The following NAALADL2 variants were observed in gnomAD, a reference collection of about 807,000 sequenced individuals.
NAALADL2 encodes inactive N-acetylated-alpha-linked acidic dipeptidase-like protein 2.
A neutral mutation model predicts 87.2 loss-of-function variants in NAALADL2; 76 were observed. The observed-to-expected ratio is 0.87, with a 90% confidence interval of 0.72 to 1.05. NAALADL2 has a LOEUF of 1.05. Among genes scored for constraint, NAALADL2 ranks in the 50% least tolerant of loss-of-function variants. The pLI is 0.00. For missense variants in NAALADL2, 1,089 were observed against 945.8 expected, an observed-to-expected ratio of 1.15 and a Z score of -1.99; for synonymous variants, 354 against 331.0, an observed-to-expected ratio of 1.07 and a Z score of -0.75.
chr3:175,789,553 A>G (rs1276634814), intron 13 of NAALADL2, among the ~76,000 whole-genome samples: 5 of 152,146 alleles, frequency 3.3e-5, no homozygotes, highest in Non-Finnish European at 7.4e-5. Flanking sequence ...TGTTGTTTTC[A>G]GGTTATTGGA....
intron 3 of NAALADL2, among the ~76,000 whole-genome samples, chr3:174,749,292 G>A (rs1232306878): frequency 6.6e-6 from 1 of 152,044 alleles, no homozygotes; most frequent in African/African-American, 2.4e-5. Context: ...TGAACTCTTA[G>A]AAAACATAGC....
At chr3:174,837,511 C>G (rs1723480525) in intron 3 of NAALADL2, among the ~76,000 whole-genome samples, 1 of 152,040 alleles carries the variant, frequency 6.6e-6, no homozygotes, top group East Asian at 1.9e-4. Context: ...AAATAATTAC[C>G]AGTTGGCCAC....
At chr3:174,750,089 G>A (rs1734672009) in intron 3 of NAALADL2, among the ~76,000 whole-genome samples, 1 of 152,102 alleles carries the variant, frequency 6.6e-6, no homozygotes, top group African/African-American at 2.4e-5. Context: ...TTTTGCCCAA[G>A]CTAAAGCAGT....
intron 1 of NAALADL2, among the ~76,000 whole-genome samples, chr3:175,025,638 G>A (rs1752133862): frequency 6.6e-6 from 1 of 152,102 alleles, no homozygotes; most frequent in African/African-American, 2.4e-5. Context: ...AAGTGAAAAT[G>A]TCATGAACAT....
At chr3:174,522,114 A>G (rs1240772603) in intron 1 of NAALADL2, among the ~76,000 whole-genome samples, 1 of 152,048 alleles carries the variant, frequency 6.6e-6, no homozygotes, top group Non-Finnish European at 1.5e-5. Context: ...AAAAAAATAA[A>G]GCCATGCACA....
chr3:175,251,249 T>C (rs1005305154), intron 3 of NAALADL2, among the ~76,000 whole-genome samples: 2 of 152,168 alleles, frequency 1.3e-5, no homozygotes, highest in African/African-American at 4.8e-5. Flanking sequence ...GAATAAGATA[T>C]TTTATTTCCT....
rs10663395 is a variant in NAALADL2 at position 174,723,755 on chromosome 3, C to CAAAAAAAAA, written c.-114-13866_-114-13858dup. On this transcript the variant is annotated intron_variant, in intron 2 of 3. Coordinates refer to the NAALADL2 transcript ENST00000434257. The stretch of plus-strand genomic sequence containing the variant: ...TGGGTGACAGAGCAAGACTCCGTCT[C>CAAAAAAAAA]AAAAAAAAAAAAAAAAAAAAAAAAA... Among the ~76,000 whole-genome samples, 12 of 27,562 alleles carry CAAAAAAAAA rather than the reference C, an allele frequency of 4.4e-4. 3 individuals carry two copies. Among genetic ancestry groups the CAAAAAAAAA allele is most frequent in the Non-Finnish European group, 5.4e-4 (10 of 18,362 alleles). 18.1% of individuals were successfully genotyped at this position (27,562 alleles called of 152,430 possible).
At chr3:175,569,203 C>G (rs1420424966) in intron 9 of NAALADL2, among the ~76,000 whole-genome samples, 1 of 152,180 alleles carries the variant, frequency 6.6e-6, no homozygotes, top group Non-Finnish European at 1.5e-5. Flanking sequence ...TCAATGTTTA[C>G]ATGTTCACAC....
chr3:174,742,325 G>T (rs1733843021), intron 3 of NAALADL2, among the ~76,000 whole-genome samples: 1 of 151,626 alleles, frequency 6.6e-6, no homozygotes, highest in Non-Finnish European at 1.5e-5. Context: ...GAGTCATATT[G>T]TAATGGTATA....
At chr3:174,655,346 A>G (rs1411306327) in intron 2 of NAALADL2, among the ~76,000 whole-genome samples, 1 of 151,310 alleles carries the variant, frequency 6.6e-6, no homozygotes, top group East Asian at 1.9e-4. Flanking sequence ...GAACTTTTTC[A>G]TGTGATACTA....
At chr3:174,457,888 A>C (rs980757507) in intron 1 of NAALADL2, among the ~76,000 whole-genome samples, 7 of 152,154 alleles carry the variant, frequency 4.6e-5, no homozygotes, top group African/African-American at 9.7e-5. Flanking sequence ...TAACAGAGGA[A>C]CAGAAAACCA....
intron 2 of NAALADL2, among the ~76,000 whole-genome samples, chr3:174,647,936 A>C (rs1723963980): frequency 6.6e-6 from 1 of 152,212 alleles, no homozygotes; most frequent in South Asian, 2.1e-4. Context: ...AAATAAAAAA[A>C]CTTTACTGTG....
At chr3:175,026,908 C>T (rs541806915) in intron 1 of NAALADL2, among the ~76,000 whole-genome samples, 28 of 152,068 alleles carry the variant, frequency 1.8e-4, no homozygotes, top group Admixed American at 7.9e-4. Flanking sequence ...ACCGAACAAA[C>T]ATTTCTGCAG....
chr3:175,378,530 T>C (rs572088151), intron 5 of NAALADL2, among the ~76,000 whole-genome samples: 1 of 152,248 alleles, frequency 6.6e-6, no homozygotes, highest in Non-Finnish European at 1.5e-5. Flanking sequence ...TCTCACTCAG[T>C]GCATGCACAG....
At chr3:175,511,237 G>C (rs1429835452) in intron 9 of NAALADL2, among the ~76,000 whole-genome samples, 1 of 152,156 alleles carries the variant, frequency 6.6e-6, no homozygotes, top group Non-Finnish European at 1.5e-5. Context: ...AAGAGCCAAT[G>C]TCAAGGGCTG....
chr3:175,646,563 C>T (rs1033325692), intron 11 of NAALADL2, among the ~76,000 whole-genome samples: 45 of 151,926 alleles, frequency 3.0e-4, no homozygotes, highest in Non-Finnish European at 4.4e-4. Context: ...ATTAGTTTTA[C>T]CTTTGGGATT....
intron 4 of NAALADL2, among the ~76,000 whole-genome samples, chr3:175,309,337 C>T (rs1758067417): frequency 6.6e-6 from 1 of 152,012 alleles, no homozygotes; most frequent in Admixed American, 6.6e-5. Context: ...AGGCACCCAC[C>T]ACCATGCCCA....
chr3:174,709,490 G>A (rs1279275144), intron 2 of NAALADL2, among the ~76,000 whole-genome samples: 1 of 152,092 alleles, frequency 6.6e-6, no homozygotes, highest in East Asian at 1.9e-4. Context: ...ACTCCAAGAA[G>A]ATGATTCTGG....
intron 2 of NAALADL2, among the ~76,000 whole-genome samples, chr3:174,700,404 C>G (rs1729442623): frequency 6.6e-6 from 1 of 152,064 alleles, no homozygotes; most frequent in Non-Finnish European, 1.5e-5. Flanking sequence ...TAGAATCAAT[C>G]TATCTTAATG....
Sources: gnomAD v4.1 joint callset for allele counts (sites outside exome capture counted in the v4.1 genomes callset) on GRCh38, gnomAD v4.1.1 for gene constraint, MANE v1.5 for transcripts, NCBI Gene and HGNC (gene_info 2026-07-23, HGNC 2026-07-21) for gene names.